KLHL18: variants seen among roughly 807,000 people sequenced by gnomAD.
KLHL18 encodes the protein kelch like family member 18, also known as kelch-like protein 18.
KLHL18 carries 38 observed loss-of-function variants against 58.5 expected under a neutral mutation model. That is an observed-to-expected ratio of 0.65 (90% confidence interval 0.50 to 0.85). KLHL18 has a LOEUF of 0.85. KLHL18 is among the 40% of genes least tolerant of loss of function. KLHL18 has a pLI of 0.00. For synonymous variants in KLHL18, 303 were observed against 301.9 expected (o/e 1.00, Z -0.04); for missense variants, 624 against 778.4 (o/e 0.80, Z 2.36).
intron 4 of KLHL18, among the ~76,000 whole-genome samples, chr3:47,330,540 G>A (rs983974297): frequency 3.9e-5 from 6 of 152,018 alleles, no homozygotes; most frequent in Admixed American, 6.6e-5. Flanking sequence ...CCTTAAGTGA[G>A]TTCAGCCTCC....
intron 1 of KLHL18, chr3:47,287,087 C>T (rs1702690559): frequency 6.6e-6 from 1 of 152,178 alleles, no homozygotes; most frequent in Non-Finnish European, 1.5e-5. Flanking sequence ...GCTTGCCATC[C>T]GCAATACTCA....
At chr3:47,322,742 G>A in intron 3 of KLHL18, 34 bp downstream of exon 3, 1 of 1,491,032 alleles carries the variant, frequency 6.7e-7, no homozygotes, top group Non-Finnish European at 9.0e-7. Flanking sequence ...TGGAGAACAT[G>A]ACTATTTCAT....
intron 2 of KLHL18, among the ~76,000 whole-genome samples, chr3:47,321,443 G>A (rs754806267): frequency 6.6e-6 from 1 of 151,392 alleles, no homozygotes; most frequent in Non-Finnish European, 1.5e-5. Flanking sequence ...TCCGCCTCTT[G>A]GATTCAAGCG....
chr3:47,291,727 T>G (rs970823572), intron 1 of KLHL18, among the ~76,000 whole-genome samples: 7 of 152,250 alleles, frequency 4.6e-5, no homozygotes, highest in African/African-American at 1.7e-4. Flanking sequence ...TAGCATATAC[T>G]TCTGTAGTTT....
rs143456526 is a variant in KLHL18, at chr3:47,314,894, C to T, written c.130-4759C>T. On this transcript the variant is annotated intron_variant, in intron 1 of 9. Transcript: ENST00000232766. Reference sequence around the variant, plus strand: ...CAGAACTCAAATGTAATCAGGCTAACATATCCCAAGATAGGCCTATCTTCT... The same window carrying T: ...CAGAACTCAAATGTAATCAGGCTAATATATCCCAAGATAGGCCTATCTTCT... 7.5e-3 allele frequency among the ~76,000 whole-genome samples: 1,146 copies of T among 152,258 alleles called. 16 individuals are homozygous for T. Among genetic ancestry groups the T allele is most frequent in the African/African-American group, 0.026 (1,092 of 41,562 alleles).
rs1186120559 is a variant in KLHL18 at position 47,292,923 on chromosome 3, AG to A, written c.129+9830del. Among the ~76,000 whole-genome samples, 5 of 145,084 alleles carry A rather than the reference AG, an allele frequency of 3.4e-5. No individual in the cohort carries two copies. In the South Asian group the frequency reaches 8.8e-4, roughly 26 times the overall value. On this transcript the variant is annotated intron_variant, in intron 1 of 9. Transcript: ENST00000232766. ...CTGTCTCAAAAAAAAAAAAAAAAAA[AG>A]TATATACATACAGTGAAATATTACT...
chr3:47,320,701 T>G (rs1218219294), intron 2 of KLHL18, among the ~76,000 whole-genome samples: 1 of 152,150 alleles, frequency 6.6e-6, no homozygotes, highest in African/African-American at 2.4e-5. Flanking sequence ...GAGGATTGCT[T>G]GAGGCTAGGA....
At chr3:47,340,796 G>GT (rs1434442181) in intron 8 of KLHL18, 120 bp downstream of exon 8, 1 of 1,080,846 alleles carries the variant, frequency 9.3e-7, no homozygotes, top group African/African-American at 1.6e-5. Flanking sequence ...CTTTTTGCCC[G>GT]TATAGTACTT....
Position 47,340,608 on chromosome 3 carries a change from C to T in KLHL18, c.1158C>T (p.Tyr386=), listed in dbSNP as rs758889588. ...MGTVVLDGQI[Y]VCGGYDGNSS... is the part of the protein sequence containing the mutation. ...CAGTCGTGCTGGATGGGCAGATCTACGTCTGTGGGGGCTACGATGGCAACT... is the reference window on the plus strand; with the variant it reads ...CAGTCGTGCTGGATGGGCAGATCTATGTCTGTGGGGGCTACGATGGCAACT... Residue 386 remains tyrosine (Y), a synonymous_variant, in exon 8 of 10, where the codon TAC becomes TAT. Coordinates refer to ENST00000232766, the MANE Select transcript of KLHL18 (RefSeq NM_025010.5). 6.2e-6 allele frequency: 10 copies of T among 1,613,962 alleles called. No homozygotes were observed. Among genetic ancestry groups the T allele is most frequent in the South Asian group, 5.5e-5 (5 of 91,072 alleles).
intron 1 of KLHL18, among the ~76,000 whole-genome samples, chr3:47,314,767 A>G (rs1350737930): frequency 6.6e-6 from 1 of 152,184 alleles, no homozygotes; most frequent in African/African-American, 2.4e-5. Context: ...TTTCCAGACT[A>G]TCCTTTAGCT....
chr3:47,282,987 G>T lies in KLHL18; in HGVS notation c.22G>T (p.Glu8Ter). The change falls in exon 1 of 10, where the codon GAG becomes TAG. Residue 8 changes from glutamate (E) to a stop codon, truncating the protein, a stop_gained. Coordinates refer to ENST00000232766, the MANE Select transcript of KLHL18 (RefSeq NM_025010.5). LOFTEE classifies it high-confidence loss of function. ...GAAGATGGTGGAGGACGGCGCGGAG[G>T]AGCTGGAGGATCTGGTGCACTTCTC... MVEDGAE[E>*]LEDLVHFSVS... 3 of 1,611,218 alleles carry T rather than the reference G, an allele frequency of 1.9e-6. No homozygotes were observed. The highest frequency in any genetic ancestry group is 2.5e-6 in the Non-Finnish European group (3 of 1,179,008).
chr3:47,300,550 C>G (rs1475878819), intron 1 of KLHL18, among the ~76,000 whole-genome samples: 1 of 150,190 alleles, frequency 6.7e-6, no homozygotes, highest in Non-Finnish European at 1.5e-5. Flanking sequence ...CAGGCATGAA[C>G]CACCACACCC....
intron 1 of KLHL18, among the ~76,000 whole-genome samples, chr3:47,315,741 A>G (rs1703405741): frequency 6.6e-6 from 1 of 152,220 alleles, no homozygotes; most frequent in African/African-American, 2.4e-5. Flanking sequence ...GAAGACAGAG[A>G]TCAAAACAAT....
chr3:47,303,700 A>G (rs1576146841), intron 1 of KLHL18, among the ~76,000 whole-genome samples: 1 of 152,134 alleles, frequency 6.6e-6, no homozygotes, highest in South Asian at 2.1e-4. Context: ...GATTATAGGC[A>G]TTAGCCACTG....
At chr3:47,284,615 G>A (rs77494485) in intron 1 of KLHL18, among the ~76,000 whole-genome samples, 3 of 152,194 alleles carry the variant, frequency 2.0e-5, no homozygotes, top group African/African-American at 4.8e-5. Flanking sequence ...AGAATTACAC[G>A]CGTGAGTCAC....
In KLHL18 at chr3:47,315,236, C is replaced by G. The variant is rs145745253; in HGVS notation, c.130-4417C>G. 7.7e-3 allele frequency among the ~76,000 whole-genome samples: 1,174 copies of G among 152,210 alleles called. 17 individuals are homozygous for G. The highest frequency in any genetic ancestry group is 0.027 in the African/African-American group (1,119 of 41,518). On this transcript the variant is annotated intron_variant, in intron 1 of 9. Coordinates refer to ENST00000232766, the MANE Select transcript of KLHL18 (RefSeq NM_025010.5). ...GGAAGAGGATTTCTAGTGTAGAACC[C>G]TGGAATTGTTCCAGAATTGGAGACA...
intron 7 of KLHL18, 60 bp downstream of exon 7, chr3:47,336,817 C>G: frequency 7.3e-7 from 1 of 1,362,036 alleles, no homozygotes; most frequent in South Asian, 1.2e-5. Context: ...GAGCGCCATG[C>G]TAGACGAGCA....
In KLHL18 at chr3:47,317,809, A is replaced by C. The variant is rs1317462630; in HGVS notation, c.130-1844A>C. Among the ~76,000 whole-genome samples, 6 of 152,268 alleles carry C rather than the reference A, an allele frequency of 3.9e-5. No individual in the cohort carries two copies. In the South Asian group the frequency reaches 1.2e-3, roughly 32 times the overall value. ...AGAAAGGTATCAGGACAAATTCTTA[A>C]TCTTCCATAATAGGAATTAGATTAG... On this transcript the variant is annotated intron_variant, in intron 1 of 9. Transcript: ENST00000232766.
intron 1 of KLHL18, among the ~76,000 whole-genome samples, chr3:47,315,903 A>G (rs1703410871): frequency 1.3e-5 from 2 of 152,216 alleles, no homozygotes; most frequent in Non-Finnish European, 2.9e-5. Flanking sequence ...TTTGAAAACA[A>G]GAACTCTAGG....
Sources: allele counts gnomAD v4.1 joint callset (sites outside exome capture counted in the v4.1 genomes callset), GRCh38; gene constraint gnomAD v4.1.1; transcripts MANE v1.5; gene names NCBI Gene and HGNC (gene_info 2026-07-23, HGNC 2026-07-21).